Variants in TMEM217B observed in about 807,000 individuals in gnomAD.
TMEM217B encodes the protein transmembrane protein 217B, also known as putative transmembrane protein 217B.
the TMEM217B span, among the ~76,000 whole-genome samples, chr6:37,235,107 A>G: frequency 3.1e-3 from 472 of 152,338 alleles, 6 homozygotes; most frequent in African/African-American, 0.01. Context: ...TAACTCTGTC[A>G]TAGTCTAAAC....
chr6:37,227,533 A>C, the TMEM217B span, among the ~76,000 whole-genome samples: 5 of 152,094 alleles, frequency 3.3e-5, no homozygotes, highest in Non-Finnish European at 5.9e-5. Flanking sequence ...TGCAACCTCC[A>C]TCTCCCAGAT....
the TMEM217B span, among the ~76,000 whole-genome samples, chr6:37,226,453 C>CA: frequency 6.6e-6 from 1 of 151,584 alleles, no homozygotes; most frequent in African/African-American, 2.4e-5. Context: ...CCACGGCGCC[C>CA]AGCTAATTTT....
At chr6:37,229,987 C>T in the TMEM217B span, among the ~76,000 whole-genome samples, 2 of 152,204 alleles carry the variant, frequency 1.3e-5, no homozygotes, top group African/African-American at 2.4e-5. Flanking sequence ...CCCTTCTAGC[C>T]TCCTTCAGTT....
the TMEM217B span, among the ~76,000 whole-genome samples, chr6:37,239,188 C>T: frequency 6.6e-6 from 1 of 151,686 alleles, no homozygotes; most frequent in African/African-American, 2.4e-5. Flanking sequence ...GATAAGCATA[C>T]AATAAAAATT....
At chr6:37,224,624 A>AC in the TMEM217B span, among the ~76,000 whole-genome samples, 2 of 148,184 alleles carry the variant, frequency 1.3e-5, no homozygotes, top group Non-Finnish European at 3.0e-5. Context: ...CGAAAAAAAA[A>AC]CCTTTTATTT....
the TMEM217B span, among the ~76,000 whole-genome samples, chr6:37,219,858 A>T: frequency 2.0e-5 from 3 of 152,206 alleles, no homozygotes; most frequent in Non-Finnish European, 2.9e-5. Context: ...TAACCAGGGC[A>T]GCACAAGAAC....
At chr6:37,226,448 G>A in the TMEM217B span, among the ~76,000 whole-genome samples, 4 of 150,936 alleles carry the variant, frequency 2.7e-5, no homozygotes, top group African/African-American at 7.3e-5. Flanking sequence ...GCCTGCCACG[G>A]CGCCCAGCTA....
the TMEM217B span, among the ~76,000 whole-genome samples, chr6:37,241,970 C>T: frequency 6.6e-6 from 1 of 151,544 alleles, no homozygotes; most frequent in African/African-American, 2.4e-5. Flanking sequence ...TCTGTTTTGG[C>T]CTGCTTCCTC....
chr6:37,238,005 T>G, the TMEM217B span, among the ~76,000 whole-genome samples: 1 of 152,186 alleles, frequency 6.6e-6, no homozygotes, highest in Non-Finnish European at 1.5e-5. Context: ...ACACTAATTT[T>G]ATTTTGGACA....
At chr6:37,213,073 A>G in the TMEM217B span, 1 of 981,290 alleles carries the variant, frequency 1.0e-6, no homozygotes, top group East Asian at 2.6e-5. Context: ...GTCACTAGAT[A>G]TAAATCAGAG....
the TMEM217B span, among the ~76,000 whole-genome samples, chr6:37,243,754 A>G: frequency 2.0e-5 from 3 of 152,112 alleles, no homozygotes; most frequent in African/African-American, 4.8e-5. Context: ...ATGCACCACC[A>G]CACCTGGCTA....
At chr6:37,253,552 G>T in the TMEM217B span, among the ~76,000 whole-genome samples, 1 of 152,072 alleles carries the variant, frequency 6.6e-6, no homozygotes. Flanking sequence ...ATACTATAAA[G>T]CTCTCTTGCT....
the TMEM217B span, chr6:37,212,847 G>T: frequency 4.8e-6 from 6 of 1,244,962 alleles, no homozygotes; most frequent in Non-Finnish European, 6.9e-6. Context: ...TTGAGTCCAC[G>T]TAGATGCTGA....
chr6:37,214,330 C>T, the TMEM217B span, among the ~76,000 whole-genome samples: 5 of 152,196 alleles, frequency 3.3e-5, no homozygotes, highest in East Asian at 3.9e-4. Context: ...CAGGATGAAG[C>T]GATTCTCATG....
the TMEM217B span, among the ~76,000 whole-genome samples, chr6:37,245,458 G>A: frequency 3.9e-5 from 6 of 152,202 alleles, no homozygotes. Flanking sequence ...CTCCCGATTC[G>A]AAGTCTAGAG....
At chr6:37,251,875 G>A in the TMEM217B span, among the ~76,000 whole-genome samples, 2 of 152,142 alleles carry the variant, frequency 1.3e-5, no homozygotes, top group Admixed American at 6.5e-5. Flanking sequence ...TGACCTAGGA[G>A]ATAAAAATGG....
At chr6:37,225,220 C>T in the TMEM217B span, among the ~76,000 whole-genome samples, 6 of 151,918 alleles carry the variant, frequency 3.9e-5, no homozygotes, top group Admixed American at 2.6e-4. Flanking sequence ...AAAAAAATTA[C>T]CAAAAGTAAG....
chr6:37,224,891 A>G, the TMEM217B span, among the ~76,000 whole-genome samples: 1 of 151,940 alleles, frequency 6.6e-6, no homozygotes, highest in Non-Finnish European at 1.5e-5. Flanking sequence ...TATAAAAGTA[A>G]GGGAAGACCA....
the TMEM217B span, among the ~76,000 whole-genome samples, chr6:37,234,877 C>G: frequency 6.6e-6 from 1 of 152,100 alleles, no homozygotes; most frequent in Non-Finnish European, 1.5e-5. Flanking sequence ...AAGAGAAATG[C>G]TGGTTTTATT....
Sources: gnomAD v4.1 joint callset for allele counts (sites outside exome capture counted in the v4.1 genomes callset) on GRCh38, gnomAD v4.1.1 for gene constraint, MANE v1.5 for transcripts, NCBI Gene and HGNC (gene_info 2026-07-23, HGNC 2026-07-21) for gene names.